YAF2: variants seen among roughly 807,000 people sequenced by gnomAD.
YAF2 encodes YY1 associated factor 2.
In YAF2, 7 loss-of-function variants were observed where a neutral mutation model predicts 20.1. The observed-to-expected ratio is 0.35, with a 90% CI of 0.20 to 0.65. The LOEUF is 0.65. Among genes scored for constraint, YAF2 ranks in the 30% least tolerant of loss-of-function variants. YAF2 has a pLI of 0.69. For synonymous variants in YAF2, 74 were observed against 76.0 expected, an observed-to-expected ratio of 0.97 and a Z score of 0.14; for missense variants, 151 against 219.2, an observed-to-expected ratio of 0.69 and a Z score of 1.96.
In YAF2 at chr12:42,202,130, G is replaced by A. The variant is rs80014650; in HGVS notation, c.152+35469C>T. ...CCCCCCCCATCTAGAAAACCAATTC[G>A]ACAGTCTACTTTTTCTCTCCCTCCC... On this transcript the variant is annotated intron_variant, in intron 2 of 3. Transcript: ENST00000534854. 7.0e-3 allele frequency among the ~76,000 whole-genome samples: 1,065 copies of A among 151,694 alleles called. 39 individuals carry two copies. In the East Asian group the frequency reaches 0.085, roughly 12 times the overall value.
At chr12:42,194,703 T>C (rs1462359652) in intron 2 of YAF2, among the ~76,000 whole-genome samples, 1 of 152,224 alleles carries the variant, frequency 6.6e-6, no homozygotes, top group Non-Finnish European at 1.5e-5. Context: ...TTTGGTGTTG[T>C]ACAGTTACTC....
intron 2 of YAF2, among the ~76,000 whole-genome samples, chr12:42,207,592 T>C (rs2067080919): frequency 6.6e-6 from 1 of 152,114 alleles, no homozygotes; most frequent in South Asian, 2.1e-4. Context: ...CTTTATACAT[T>C]AAAAAACTGG....
chr12:42,232,596 A>G, intron 2 of YAF2: 2 of 985,470 alleles, frequency 2.0e-6, no homozygotes, highest in Non-Finnish European at 2.4e-6. Flanking sequence ...GAGGCGGCTC[A>G]GGAACCATGC....
chr12:42,188,023 T>C (rs2066517954), intron 2 of YAF2, among the ~76,000 whole-genome samples: 1 of 152,184 alleles, frequency 6.6e-6, no homozygotes, highest in African/African-American at 2.4e-5. Flanking sequence ...TCAGCTGTTA[T>C]CTTAGTTGCA....
chr12:42,193,832 T>C (rs2066679234), intron 2 of YAF2, among the ~76,000 whole-genome samples: 1 of 152,104 alleles, frequency 6.6e-6, no homozygotes, highest in Non-Finnish European at 1.5e-5. Context: ...AGATGACGGC[T>C]CCATGCATGT....
chr12:42,186,672 C>T (rs1027222851), intron 2 of YAF2, among the ~76,000 whole-genome samples: 2 of 151,578 alleles, frequency 1.3e-5, no homozygotes, highest in Non-Finnish European at 2.9e-5. Flanking sequence ...AGCAAGACTC[C>T]ATCTCAAAAA....
chr12:42,168,172 A>G (rs1283380791), intron 2 of YAF2, among the ~76,000 whole-genome samples: 1 of 150,142 alleles, frequency 6.7e-6, no homozygotes, highest in Non-Finnish European at 1.5e-5. Flanking sequence ...AAAGAAAGAC[A>G]GCATTTTTTT....
chr12:42,193,083 G>T (rs550396765), intron 2 of YAF2, among the ~76,000 whole-genome samples: 9 of 152,224 alleles, frequency 5.9e-5, no homozygotes, highest in South Asian at 4.2e-4. Context: ...GGTGGCCGAG[G>T]GGGGGCAGAT....
intron 2 of YAF2, among the ~76,000 whole-genome samples, chr12:42,188,529 G>A (rs2066532132): frequency 6.6e-6 from 1 of 151,602 alleles, no homozygotes; most frequent in African/African-American, 2.4e-5. Context: ...GGGATTACAG[G>A]CATGCACTAC....
At chr12:42,219,649 TG>T (rs1238642419) in intron 2 of YAF2, among the ~76,000 whole-genome samples, 1 of 152,038 alleles carries the variant, frequency 6.6e-6, no homozygotes, top group Non-Finnish European at 1.5e-5. Flanking sequence ...CACAAAAATG[TG>T]AGGGAAAAGC....
chr12:42,175,818 C>T (rs71453336), intron 2 of YAF2, among the ~76,000 whole-genome samples: 2 of 147,514 alleles, frequency 1.4e-5, no homozygotes, highest in African/African-American at 5.0e-5. Flanking sequence ...TCTGTAGGCT[C>T]AAATTTTTTG....
intron 2 of YAF2, among the ~76,000 whole-genome samples, chr12:42,191,003 G>A (rs977737339): frequency 1.3e-5 from 2 of 151,734 alleles, no homozygotes; most frequent in Non-Finnish European, 2.9e-5. Flanking sequence ...GAATTTAAAA[G>A]TATTTTTTTC....
chr12:42,208,610 AC>A (rs1169534688), intron 2 of YAF2, among the ~76,000 whole-genome samples: 1 of 152,202 alleles, frequency 6.6e-6, no homozygotes, highest in Admixed American at 6.5e-5. Flanking sequence ...CTGCTAAGGT[AC>A]TGTATTAAAT....
rs58514363 is a variant in YAF2 at position 42,186,189 on chromosome 12, C to CAAAA, written c.153-24428_153-24425dup. 5.9e-3 allele frequency among the ~76,000 whole-genome samples: 369 copies of CAAAA among 62,238 alleles called. 16 individuals carry two copies. The highest frequency in any genetic ancestry group is 0.02 in the African/African-American group (289 of 14,336). 40.8% of individuals were successfully genotyped at this position (62,238 alleles called of 152,430 possible). A position where few individuals can be genotyped will look rare whatever the true frequency, so the allele number is the denominator to read the frequency against. ...TGGGCACCAGAGCCAAACTCTGTCT[C>CAAAA]AAAAAAAAAAAAAAAAAAAAAAGGC... On this transcript the variant is annotated intron_variant, in intron 2 of 3. Coordinates refer to ENST00000534854, the MANE Select transcript of YAF2 (RefSeq NM_005748.6).
intron 2 of YAF2, among the ~76,000 whole-genome samples, chr12:42,163,866 T>A (rs984961799): frequency 3.3e-5 from 5 of 152,296 alleles, no homozygotes; most frequent in Admixed American, 6.5e-5. Flanking sequence ...CTATTAAAAA[T>A]AAAGCCCTTC....
At position 42,204,842 on chromosome 12, in the gene YAF2, C is replaced by A. The variant is rs1315039068; in HGVS notation, c.152+32757G>T. On this transcript the variant is annotated intron_variant, in intron 2 of 3. Transcript: ENST00000534854. ...CTCCCAAAACACATGTTGTATAATT[C>A]CATTTTATGAACTGTCCAGAACAGG... Among the ~76,000 whole-genome samples, 5 of 152,034 alleles carry A rather than the reference C, an allele frequency of 3.3e-5. No homozygotes were observed. The South Asian group carries it at 1.0e-3, about 32-fold the overall frequency.
Position 42,176,790 on chromosome 12 carries a change from C to T in YAF2, c.153-15025G>A, listed in dbSNP as rs138624130. On this transcript the variant is annotated intron_variant, in intron 2 of 3. Coordinates refer to ENST00000534854, the MANE Select transcript of YAF2 (RefSeq NM_005748.6). ...CAGCCTGGCCAATATGGCGAAACCC[C>T]GTCACCACTAAAAATACAAAAAAAA... 6.2e-3 allele frequency among the ~76,000 whole-genome samples: 945 copies of T among 152,050 alleles called. 7 individuals carry two copies. Among genetic ancestry groups the T allele is most frequent in the African/African-American group, 0.021 (890 of 41,472 alleles).
intron 2 of YAF2, chr12:42,232,649 T>C (rs2068017459): frequency 1.0e-6 from 1 of 985,280 alleles, no homozygotes; most frequent in South Asian, 4.7e-5. Context: ...TCAATTTTTT[T>C]CTCCCATTCC....
intron 2 of YAF2, among the ~76,000 whole-genome samples, chr12:42,218,639 T>C (rs2067429530): frequency 6.6e-6 from 1 of 152,186 alleles, no homozygotes; most frequent in South Asian, 2.1e-4. Flanking sequence ...ATTTCAACAT[T>C]TGAGATTATG....
Sources: allele counts gnomAD v4.1 joint callset (sites outside exome capture counted in the v4.1 genomes callset), GRCh38; gene constraint gnomAD v4.1.1; transcripts MANE v1.5; gene names NCBI Gene and HGNC (gene_info 2026-07-23, HGNC 2026-07-21).